The following FUS variants were observed in gnomAD, a reference collection of about 807,000 sequenced individuals.
FUS encodes the protein RNA-binding protein FUS.
In FUS, 5 loss-of-function variants were observed where a neutral mutation model predicts 82.7. The observed-to-expected ratio is 0.06, with a 90% CI of 0.03 to 0.13. The LOEUF (loss-of-function observed/expected upper bound fraction) is 0.13, where lower values mean the gene tolerates loss of function less well. Ranked by LOEUF, FUS falls within the 10% of genes least tolerant of loss-of-function variation. FUS has a pLI of 1.00. For synonymous variants in FUS, 281 were observed against 247.4 expected, an observed-to-expected ratio of 1.14 and a Z score of -1.27; for missense variants, 512 against 707.8, an observed-to-expected ratio of 0.72 and a Z score of 3.14.
At chr16:31,187,102 G>A (rs2079281898) in intron 7 of FUS, 1 of 543,822 alleles carries the variant, frequency 1.8e-6, no homozygotes. Context: ...GGACTGGGCC[G>A]TTGCCACACC....
In FUS at chr16:31,182,925, A is replaced by C. The variant is rs138238219; in HGVS notation, c.190+261A>C. The C allele has an allele frequency of 9.2e-3, 4,178 of 455,164 alleles. 113 individuals are homozygous for C. The highest frequency in any genetic ancestry group is 0.068 in the Admixed American group (2,019 of 29,534). The allele number at this position is 455,164 out of a possible 1,614,324, so 28.2% of individuals were successfully genotyped here. A position where few individuals can be genotyped will look rare whatever the true frequency, so the allele number is the denominator to read the frequency against. On this transcript the variant is annotated intron_variant, in intron 3 of 14. Transcript: ENST00000254108. Reference sequence around the variant, plus strand: ...GAGATGGGGTTTCACCGTGTTGGACAGGCTGGTCTGGAACTCCTGACCTCC... The same window carrying C: ...GAGATGGGGTTTCACCGTGTTGGACCGGCTGGTCTGGAACTCCTGACCTCC...
At chr16:31,186,712 C>T (rs976280449) in intron 6 of FUS, 90 bp from the exon 7 acceptor site, 34 of 1,232,096 alleles carry the variant, frequency 2.8e-5, no homozygotes, top group Middle Eastern at 1.9e-4. Context: ...AACACCTACC[C>T]ATGTTTGGGG....
chr16:31,182,697 C>T (rs762779811), intron 3 of FUS, 33 bp downstream of exon 3: 26 of 1,613,616 alleles, frequency 1.6e-5, no homozygotes, highest in Admixed American at 5.0e-5. Context: ...CCTCTTCCTA[C>T]TCTTTCTGAA....
At chr16:31,187,607 T>G (rs1471805514) in intron 7 of FUS, 1 of 231,374 alleles carries the variant, frequency 4.3e-6, no homozygotes, top group Non-Finnish European at 8.5e-6. Context: ...GTTTCAAGAT[T>G]TAAAGCCAAA....
Position 31,190,838 on chromosome 16 carries a change from C to A in FUS, c.1389C>A (p.His463Gln), listed in dbSNP as rs772629705. Residue 463 changes from histidine to glutamine, a missense_variant, in exon 13 of 15, where the codon CAC becomes CAA. His to Gln is a conservative substitution (Grantham distance 24). Around this residue, in one of 6 missense-constraint regions of FUS, gnomAD observed 96 missense variants for 120.7 expected, o/e 0.80. Transcript: ENST00000254108. ...CAGGAGGGGGACCAGGTGGCTCTCA[C>A]ATGGGTAAGAAAGGCAGACCTGGTG... Reference protein sequence around the residue: ...DGPGGGPGGSHMGGNYGDDRR... With the variant: ...DGPGGGPGGSQMGGNYGDDRR... The A allele has an allele frequency of 1.3e-5, 21 of 1,613,992 alleles. No individual in the cohort carries two copies. Among genetic ancestry groups the A allele is most frequent in the Non-Finnish European group, 5.1e-6 (6 of 1,179,922 alleles).
At chr16:31,193,617 C>G (rs904548516), downstream of FUS, 3 of 529,462 alleles carry the variant, frequency 5.7e-6, no homozygotes, top group African/African-American at 3.7e-5. Context: ...TTGGCCTTGA[C>G]CTTAAAAGGA....
chr16:31,191,887 C>G (rs1187957595), downstream of FUS: 1 of 540,038 alleles, frequency 1.9e-6, no homozygotes, highest in East Asian at 3.9e-5. Context: ...GCATACTGGT[C>G]TTAGTTTATT....
intron 1 of FUS, among the ~76,000 whole-genome samples, chr16:31,180,914 C>CT (rs1446834135): frequency 1.4e-5 from 2 of 140,258 alleles, no homozygotes; most frequent in Non-Finnish European, 3.2e-5. Flanking sequence ...GCCTAAATTT[C>CT]TTTCTTTTTT....
intron 1 of FUS, among the ~76,000 whole-genome samples, chr16:31,180,483 TC>T (rs1699852427): frequency 6.6e-6 from 1 of 152,100 alleles, no homozygotes; most frequent in Non-Finnish European, 1.5e-5. Context: ...GAGGGACGCT[TC>T]TTAGGGGTTT....
At chr16:31,186,112 A>G (rs142915848) in intron 6 of FUS, 12 of 238,494 alleles carry the variant, frequency 5.0e-5, no homozygotes, top group African/African-American at 2.6e-4. Context: ...GCGTGTGTTT[A>G]ATGCAAAACT....
rs1453163497 is a variant in FUS at position 31,186,595 on chromosome 16, A to G, written c.765-207A>G. On this transcript the variant is annotated intron_variant, in intron 6 of 14. Coordinates refer to ENST00000254108, the MANE Select transcript of FUS (RefSeq NM_004960.4). ...TAACCTTTTAAAGCAAAATCTTTAT[A>G]AACTGTGTCTGAGAAATTGCACACG... 7 of 614,292 alleles carry G rather than the reference A, an allele frequency of 1.1e-5. No homozygotes were observed. In the East Asian group the frequency reaches 1.9e-4, roughly 17 times the overall value. 38.1% of individuals were successfully genotyped at this position (614,292 alleles called of 1,614,324 possible). A position where few individuals can be genotyped will look rare whatever the true frequency, so the allele number is the denominator to read the frequency against.
intron 6 of FUS, chr16:31,185,472 C>T (rs2079254914): frequency 4.7e-6 from 3 of 638,402 alleles, no homozygotes; most frequent in South Asian, 4.5e-5. Flanking sequence ...CATTAATATC[C>T]TAGGCAAGAA....
intron 7 of FUS, 128 bp downstream of exon 7, chr16:31,186,964 A>G (rs901893048): frequency 3.3e-6 from 3 of 907,148 alleles, no homozygotes; most frequent in African/African-American, 1.6e-5. Flanking sequence ...ACCTCCAGAA[A>G]GGGGTAGGGT....
chr16:31,184,668 C>A (rs1344505283), intron 5 of FUS, among the ~76,000 whole-genome samples: 3 of 152,066 alleles, frequency 2.0e-5, no homozygotes, highest in Non-Finnish European at 4.4e-5. Context: ...TGGTTTCGAT[C>A]TCCTGACCTT....
chr16:31,187,387 C>T lies in FUS; in HGVS notation c.799+551C>T, dbSNP rs1413365310. On this transcript the variant is annotated intron_variant, in intron 7 of 14. Transcript: ENST00000254108. ...TGAGATGGGCAAATAGAAACTAGCT[C>T]TGGGAAGGAACATGTGCACTACTTC... The T allele has an allele frequency of 1.3e-5, 3 of 238,648 alleles. No homozygotes were observed. The Admixed American group carries it at 1.5e-4, about 12-fold the overall frequency. The allele number at this position is 238,648 out of a possible 1,614,324, so 14.8% of individuals were successfully genotyped here.
downstream of FUS, chr16:31,192,869 G>T (rs1420656841): frequency 1.0e-5 from 5 of 485,160 alleles, no homozygotes; most frequent in South Asian, 7.7e-5. Flanking sequence ...GCTGCATCTG[G>T]CCATCCTCTC....
intron 5 of FUS, 36 bp from the exon 6 acceptor site, chr16:31,184,903 G>GTTT: frequency 3.2e-6 from 4 of 1,265,930 alleles, no homozygotes; most frequent in Non-Finnish European, 4.4e-6. Flanking sequence ...CAATCTTTTT[G>GTTT]TTTTTTTTTT....
chr16:31,193,217 T>C (rs1273884068), downstream of FUS: 18 of 494,738 alleles, frequency 3.6e-5, no homozygotes, highest in Non-Finnish European at 6.8e-5. Flanking sequence ...ACCATGACTT[T>C]TAAGAGGAAT....
At chr16:31,183,812 C>G in intron 3 of FUS, 46 bp from the exon 4 acceptor site, 4 of 1,613,052 alleles carry the variant, frequency 2.5e-6, no homozygotes, top group Non-Finnish European at 3.4e-6. Context: ...CTTACATTTT[C>G]TCTTTCCTGG....
Sources: gnomAD v4.1 joint callset for allele counts (sites outside exome capture counted in the v4.1 genomes callset) on GRCh38, gnomAD v4.1.1 for gene constraint, gnomAD v4.1.1 regional missense constraint, MANE v1.5 for transcripts, NCBI Gene and HGNC (gene_info 2026-07-23, HGNC 2026-07-21) for gene names.